Variants in MDGA2 observed in about 807,000 individuals in gnomAD.
The protein encoded by MDGA2 is MAM domain-containing glycosylphosphatidylinositol anchor protein 2.
A neutral mutation model predicts 117.8 loss-of-function variants in MDGA2; 40 were observed. The ratio of observed to expected loss-of-function variants is 0.34; its 90% confidence interval spans 0.26 to 0.44. The LOEUF (loss-of-function observed/expected upper bound fraction) is 0.44, where lower values mean the gene tolerates loss of function less well. Ranked by LOEUF, MDGA2 falls within the 20% of genes least tolerant of loss-of-function variation. The pLI, the probability that MDGA2 is intolerant of heterozygous loss-of-function variation, is 1.00. For synonymous variants in MDGA2, 452 were observed against 439.0 expected (o/e 1.03, Z -0.37); for missense variants, 1,123 against 1,250.6 (o/e 0.90, Z 1.54).
chr14:47,490,391 T>G (rs564397220), intron 1 of MDGA2, among the ~76,000 whole-genome samples: 2 of 152,230 alleles, frequency 1.3e-5, no homozygotes, highest in African/African-American at 4.8e-5. Context: ...AATGAAATAT[T>G]TGAGAAAAGA....
chr14:47,165,862 C>A (rs1883848626), intron 3 of MDGA2, among the ~76,000 whole-genome samples: 1 of 152,134 alleles, frequency 6.6e-6, no homozygotes, highest in East Asian at 1.9e-4. Flanking sequence ...TAATCTCTTA[C>A]ATACCGATAG....
intron 2 of MDGA2, among the ~76,000 whole-genome samples, chr14:47,254,444 A>C (rs934720307): frequency 2.0e-5 from 3 of 152,192 alleles, no homozygotes; most frequent in African/African-American, 7.2e-5. Context: ...TTTCTTTGCT[A>C]AAGCATAGCA....
intron 2 of MDGA2, among the ~76,000 whole-genome samples, chr14:47,286,826 C>CATATAT (rs796606770): frequency 5.6e-5 from 4 of 71,928 alleles, no homozygotes; most frequent in African/African-American, 2.3e-4. Flanking sequence ...TATATATATA[C>CATATAT]ATATATATAT....
intron 8 of MDGA2, among the ~76,000 whole-genome samples, chr14:47,032,747 C>A (rs189000060): frequency 1.4e-4 from 21 of 152,266 alleles, no homozygotes; most frequent in Admixed American, 1.4e-3. Context: ...CTTTGATGTA[C>A]TCAGGAATAT....
At chr14:47,326,567 A>G (rs1348081702) in intron 1 of MDGA2, among the ~76,000 whole-genome samples, 37 of 152,056 alleles carry the variant, frequency 2.4e-4, no homozygotes, top group Non-Finnish European at 4.4e-5. Context: ...AGGTCTCCAA[A>G]TGAATGTTTC....
chr14:46,981,059 A>G (rs1447442043), intron 8 of MDGA2, among the ~76,000 whole-genome samples: 2 of 152,148 alleles, frequency 1.3e-5, no homozygotes, highest in East Asian at 3.9e-4. Context: ...GCATATATTT[A>G]TGACAATAAA....
At chr14:47,099,474 A>G (rs939438898) in intron 5 of MDGA2, among the ~76,000 whole-genome samples, 7 of 152,118 alleles carry the variant, frequency 4.6e-5, no homozygotes, top group South Asian at 2.1e-4. Flanking sequence ...GGGGGTATAC[A>G]AAGAGTAACA....
At chr14:47,022,377 C>T (rs1459144569) in intron 8 of MDGA2, among the ~76,000 whole-genome samples, 1 of 152,016 alleles carries the variant, frequency 6.6e-6, no homozygotes, top group Non-Finnish European at 1.5e-5. Flanking sequence ...CCACACCCAG[C>T]CCAAATAAAT....
chr14:47,652,550 A>G (rs1897664370), intron 1 of MDGA2, among the ~76,000 whole-genome samples: 1 of 152,190 alleles, frequency 6.6e-6, no homozygotes, highest in Non-Finnish European at 1.5e-5. Context: ...ATGTGTTGAA[A>G]TAGAATTAAA....
chr14:46,924,258 G>A (rs1047140293), intron 9 of MDGA2, among the ~76,000 whole-genome samples: 1 of 151,650 alleles, frequency 6.6e-6, no homozygotes, highest in Non-Finnish European at 1.5e-5. Context: ...TTTGCAAAAT[G>A]GTTTTGAAAA....
At chr14:47,637,731 T>C (rs113175909) in intron 1 of MDGA2, among the ~76,000 whole-genome samples, 1 of 152,216 alleles carries the variant, frequency 6.6e-6, no homozygotes, top group African/African-American at 2.4e-5. Context: ...AAATTGTAAG[T>C]GCAAGTTAGT....
rs972024729 is a variant in MDGA2, at chr14:47,109,899, T to G, written c.926-12776A>C. ...AGATAGAGGCTGCAGTGAGCCGAGA[T>G]TGTGCCACTGCACTCCAGCCTAGGG... On this transcript the variant is annotated intron_variant, in intron 5 of 16. Transcript: ENST00000399232. 2.0e-5 allele frequency among the ~76,000 whole-genome samples: 3 copies of G among 152,148 alleles called. No individual in the cohort carries two copies. The East Asian group carries it at 5.8e-4, about 29-fold the overall frequency.
chr14:47,094,382 T>C (rs1879843711), intron 6 of MDGA2, among the ~76,000 whole-genome samples: 1 of 152,022 alleles, frequency 6.6e-6, no homozygotes, highest in Non-Finnish European at 1.5e-5. Context: ...AGGATACAGG[T>C]GAAAACTGTT....
intron 6 of MDGA2, among the ~76,000 whole-genome samples, chr14:47,076,558 TTATG>T (rs756617697): frequency 0.015 from 1,226 of 84,136 alleles, 15 homozygotes; most frequent in African/African-American, 0.057. Context: ...TGAGTGTGTG[TTATG>T]TGTGTGTGTG....
At chr14:47,246,723 T>C (rs1887249422) in intron 2 of MDGA2, among the ~76,000 whole-genome samples, 1 of 151,308 alleles carries the variant, frequency 6.6e-6, no homozygotes, top group Non-Finnish European at 1.5e-5. Context: ...TTTAAAGCTG[T>C]ATTAAGGTTT....
intron 15 of MDGA2, among the ~76,000 whole-genome samples, chr14:46,847,501 T>C (rs1017337662): frequency 8.6e-5 from 13 of 151,994 alleles, no homozygotes; most frequent in African/African-American, 2.9e-4. Flanking sequence ...TGCTTGGAAA[T>C]GATGACTTCC....
chr14:47,438,468 G>T (rs1171263457), intron 1 of MDGA2, among the ~76,000 whole-genome samples: 2 of 152,144 alleles, frequency 1.3e-5, no homozygotes, highest in Non-Finnish European at 1.5e-5. Flanking sequence ...AATGGGAGCT[G>T]TTTAGAGCCC....
At chr14:47,179,876 T>G (rs914418186) in intron 3 of MDGA2, among the ~76,000 whole-genome samples, 1 of 152,182 alleles carries the variant, frequency 6.6e-6, no homozygotes, top group African/African-American at 2.4e-5. Flanking sequence ...AGAACTAAAT[T>G]TGGATATTTC....
chr14:47,362,143 A>G (rs1033694746), intron 1 of MDGA2, among the ~76,000 whole-genome samples: 2 of 152,134 alleles, frequency 1.3e-5, no homozygotes, highest in Non-Finnish European at 2.9e-5. Flanking sequence ...GTGGCCTTGG[A>G]TTTCATTCTT....
Sources: allele counts gnomAD v4.1 joint callset (sites outside exome capture counted in the v4.1 genomes callset), GRCh38; gene constraint gnomAD v4.1.1; transcripts MANE v1.5; gene names NCBI Gene and HGNC (gene_info 2026-07-23, HGNC 2026-07-21).